FOXO1: variants seen among roughly 807,000 people sequenced by gnomAD.
The protein encoded by FOXO1 is forkhead box O1, also known as forkhead box protein O1.
In FOXO1, 6 loss-of-function variants were observed where a neutral mutation model predicts 44.1. The observed-to-expected ratio is 0.14, with a 90% CI of 0.07 to 0.27. The LOEUF (loss-of-function observed/expected upper bound fraction) is 0.27. FOXO1 is among the 10% of genes least tolerant of loss of function. The pLI, the probability that FOXO1 is intolerant of heterozygous loss-of-function variation, is 1.00. For missense variants in FOXO1, 737 were observed against 888.8 expected, an observed-to-expected ratio of 0.83 and a Z score of 2.17; for synonymous variants, 380 against 362.7, an observed-to-expected ratio of 1.05 and a Z score of -0.54.
chr13:40,639,619 C>A (rs1441630650), intron 1 of FOXO1, among the ~76,000 whole-genome samples: 4 of 152,222 alleles, frequency 2.6e-5, no homozygotes, highest in African/African-American at 9.6e-5. Context: ...TCAGATAATT[C>A]TCTGTTATGG....
In FOXO1 at chr13:40,597,202, T is replaced by C. The variant is rs957630620; in HGVS notation, c.631-36342A>G. On this transcript the variant is annotated intron_variant, in intron 1 of 2. Transcript: ENST00000379561. ...TGCTTTAATATCTAGTCTTTCCTTA[T>C]ACATTCTCAATCAATCACCACCATA... Among the ~76,000 whole-genome samples the C allele has an allele frequency of 3.9e-5, 6 of 152,178 alleles. No homozygotes were observed. The South Asian group carries it at 1.0e-3, about 26-fold the overall frequency.
At position 40,557,515 on chromosome 13, in the gene FOXO1, C is replaced by G. The variant is rs1385079651; in HGVS notation, c.*1534G>C. On this transcript the variant is annotated 3_prime_UTR_variant, in exon 3 of 3. Coordinates refer to ENST00000379561, the MANE Select transcript of FOXO1 (RefSeq NM_002015.4). ...TAAGTAAGTTCTATTCCATTTGCTA[C>G]CCATCTGAACTTATGAACACAAATT... 1.3e-5 allele frequency: 2 copies of G among 152,202 alleles called. No individual in the cohort carries two copies. The highest frequency in any genetic ancestry group is 4.8e-5 in the African/African-American group (2 of 41,438). 9.4% of individuals were successfully genotyped at this position (152,202 alleles called of 1,614,324 possible).
intron 1 of FOXO1, among the ~76,000 whole-genome samples, chr13:40,582,689 G>A (rs1041247682): frequency 1.3e-5 from 2 of 152,182 alleles, no homozygotes; most frequent in East Asian, 1.9e-4. Context: ...GTTTTATCAT[G>A]AGATTGCTGC....
chr13:40,574,700 T>C (rs1874676393), intron 1 of FOXO1, among the ~76,000 whole-genome samples: 1 of 152,212 alleles, frequency 6.6e-6, no homozygotes, highest in Non-Finnish European at 1.5e-5. Flanking sequence ...TTCATTTTGA[T>C]TACTGAGAAA....
intron 1 of FOXO1, among the ~76,000 whole-genome samples, chr13:40,569,320 C>T (rs1413069582): frequency 6.6e-6 from 1 of 152,186 alleles, no homozygotes; most frequent in Non-Finnish European, 1.5e-5. Flanking sequence ...TGGATCTCAT[C>T]ACTAAGCCTG....
At chr13:40,572,847 A>T (rs1435072083) in intron 1 of FOXO1, among the ~76,000 whole-genome samples, 3 of 152,190 alleles carry the variant, frequency 2.0e-5, no homozygotes, top group Non-Finnish European at 4.4e-5. Context: ...TCTGCTGCGC[A>T]ACAGCCCTGC....
chr13:40,612,913 T>C (rs1237920124), intron 1 of FOXO1, among the ~76,000 whole-genome samples: 1 of 152,140 alleles, frequency 6.6e-6, no homozygotes, highest in African/African-American at 2.4e-5. Context: ...CTCCCTCCTA[T>C]AAAGGAGGAC....
intron 1 of FOXO1, among the ~76,000 whole-genome samples, chr13:40,616,310 C>A (rs1876421699): frequency 6.6e-6 from 1 of 151,576 alleles, no homozygotes; most frequent in African/African-American, 2.4e-5. Flanking sequence ...AAAAAAAGAA[C>A]ACTGCACACC....
intron 1 of FOXO1, among the ~76,000 whole-genome samples, chr13:40,648,761 T>C (rs1877585831): frequency 6.6e-6 from 1 of 152,182 alleles, no homozygotes; most frequent in African/African-American, 2.4e-5. Flanking sequence ...CCCAAAATAC[T>C]ATTAATATAT....
intron 1 of FOXO1, among the ~76,000 whole-genome samples, chr13:40,663,144 G>C (rs1002926003): frequency 2.6e-5 from 4 of 152,186 alleles, no homozygotes; most frequent in African/African-American, 7.2e-5. Flanking sequence ...CTCCCACTGG[G>C]AGCTGCCCAA....
intron 1 of FOXO1, among the ~76,000 whole-genome samples, chr13:40,634,644 C>T (rs1877081375): frequency 6.6e-6 from 1 of 151,312 alleles, no homozygotes; most frequent in African/African-American, 2.4e-5. Flanking sequence ...CCTGTCTCGA[C>T]AACAACAAAA....
chr13:40,657,770 G>A (rs992364414), intron 1 of FOXO1, among the ~76,000 whole-genome samples: 1 of 151,978 alleles, frequency 6.6e-6, no homozygotes, highest in Non-Finnish European at 1.5e-5. Context: ...TATGTTTTGA[G>A]TCATTGCTAC....
Position 40,558,764 on chromosome 13 carries a change from T to C in FOXO1, c.*285A>G, listed in dbSNP as rs959728934. Reference sequence around the variant, plus strand: ...GATCTGAAAATCTTTTCTGCAATTATATGGTGTAGTGAGTTTGGCACTTCA... The same window carrying C: ...GATCTGAAAATCTTTTCTGCAATTACATGGTGTAGTGAGTTTGGCACTTCA... On this transcript the variant is annotated 3_prime_UTR_variant, in exon 3 of 3. Coordinates refer to ENST00000379561, the MANE Select transcript of FOXO1 (RefSeq NM_002015.4). 6 of 398,768 alleles carry C rather than the reference T, an allele frequency of 1.5e-5. No homozygotes were observed. Among genetic ancestry groups the C allele is most frequent in the African/African-American group, 4.1e-5 (2 of 48,628 alleles). 24.7% of individuals were successfully genotyped at this position (398,768 alleles called of 1,614,324 possible).
intron 1 of FOXO1, among the ~76,000 whole-genome samples, chr13:40,565,505 C>T (rs747106459): frequency 2.4e-4 from 37 of 152,276 alleles, no homozygotes; most frequent in Non-Finnish European, 4.9e-4. Flanking sequence ...TACTTACTCA[C>T]CCCTCTTTAT....
chr13:40,572,192 T>G (rs17630155), intron 1 of FOXO1, among the ~76,000 whole-genome samples: 7,429 of 152,188 alleles, frequency 0.049, 589 homozygotes, highest in East Asian at 0.4. Flanking sequence ...TAGGACAATA[T>G]CCCACCCATA....
chr13:40,660,981 CAACAACAAA>C (rs777777514), intron 1 of FOXO1, among the ~76,000 whole-genome samples: 21 of 127,456 alleles, frequency 1.6e-4, no homozygotes, highest in Non-Finnish European at 2.7e-4. Context: ...ACAACAACAA[CAACAACAAA>C]AATGAGAATC....
chr13:40,660,948 AAACAACAAC>A (rs138057018), intron 1 of FOXO1, among the ~76,000 whole-genome samples: 45,722 of 149,202 alleles, frequency 0.31, 7,244 homozygotes, highest in South Asian at 0.41. Flanking sequence ...TGGCTCAGAA[AAACAACAAC>A]AACAACAACA....
Position 40,557,895 on chromosome 13 carries a change from C to T in FOXO1, c.*1154G>A, listed in dbSNP as rs1011994143. On this transcript the variant is annotated 3_prime_UTR_variant, in exon 3 of 3. Transcript: ENST00000379561. ...AGAGAAGACTTGATGCTATGCAGTA[C>T]GCATAGTTCAGTAGAAGCAGATGAA... 2.1e-4 allele frequency: 32 copies of T among 152,140 alleles called. No individual in the cohort carries two copies. The highest frequency in any genetic ancestry group is 7.0e-4 in the African/African-American group (29 of 41,432). 9.4% of individuals were successfully genotyped at this position (152,140 alleles called of 1,614,324 possible).
chr13:40,634,743 A>C (rs961041448), intron 1 of FOXO1, among the ~76,000 whole-genome samples: 2 of 151,852 alleles, frequency 1.3e-5, no homozygotes, highest in Non-Finnish European at 2.9e-5. Context: ...GCAGTGGCGC[A>C]ATCTCAGCTT....
Sources: allele counts gnomAD v4.1 joint callset (sites outside exome capture counted in the v4.1 genomes callset), GRCh38; gene constraint gnomAD v4.1.1; transcripts MANE v1.5; gene names NCBI Gene and HGNC (gene_info 2026-07-23, HGNC 2026-07-21).